Variants in TRHDE observed in about 807,000 individuals in gnomAD.
TRHDE encodes the protein thyrotropin-releasing hormone-degrading ectoenzyme.
A neutral mutation model predicts 125.7 loss-of-function variants in TRHDE; 72 were observed. That is an observed-to-expected ratio of 0.57 (90% CI 0.47 to 0.70). The LOEUF (loss-of-function observed/expected upper bound fraction) is 0.70, where lower values mean the gene tolerates loss of function less well. Among genes scored for constraint, TRHDE ranks in the 30% least tolerant of loss-of-function variants. The pLI, the probability that TRHDE is intolerant of heterozygous loss-of-function variation, is 0.00. For synonymous variants in TRHDE, 509 were observed against 509.1 expected, an observed-to-expected ratio of 1.00 and a Z score of 0.00; for missense variants, 1,110 against 1,327.1, an observed-to-expected ratio of 0.84 and a Z score of 2.54.
chr12:72,430,735 G>T (rs573939685), intron 3 of TRHDE, among the ~76,000 whole-genome samples: 14 of 151,780 alleles, frequency 9.2e-5, no homozygotes, highest in African/African-American at 3.4e-4. Flanking sequence ...GGCAACTTTG[G>T]ATCCCTCAAA....
Position 72,286,884 on chromosome 12 carries a change from C to A in TRHDE, c.1118C>A (p.Ser373Tyr). Residue 373 changes from serine to tyrosine, a missense_variant, in exon 2 of 19, where the codon TCC becomes TAC. Ser to Tyr is a moderately radical substitution (Grantham distance 144). Transcript: ENST00000261180. ...CACTTTTCACAGACCCCTCTCATGTCCACATATTATTTAGCCTGGGCAATT... is the reference window on the plus strand; with the variant it reads ...CACTTTTCACAGACCCCTCTCATGTACACATATTATTTAGCCTGGGCAATT... ...TDHFSQTPLM[S>Y]TYYLAWAICN... The A allele has an allele frequency of 6.2e-7, 1 of 1,613,866 alleles. No individual in the cohort carries two copies. Among genetic ancestry groups the A allele is most frequent in the Non-Finnish European group, 8.5e-7 (1 of 1,179,962 alleles).
At chr12:72,225,817 T>G (rs1165251286) in intron 2 of TRHDE, among the ~76,000 whole-genome samples, 2 of 152,182 alleles carry the variant, frequency 1.3e-5, no homozygotes, top group East Asian at 3.9e-4. Context: ...GCTAGGTGTT[T>G]GTATTTTTCC....
rs569733191 is a variant in TRHDE at position 72,464,684 on chromosome 12, G to A, written c.1316-5074G>A. On this transcript the variant is annotated intron_variant, in intron 3 of 18. Transcript: ENST00000261180. ...ATCTGAGAAGTGGAGGAAAAACATG[G>A]ATATTCTGTTATTATAGACACTAGC... is the stretch of plus-strand genomic sequence containing the variant. 1.6e-4 allele frequency among the ~76,000 whole-genome samples: 25 copies of A among 152,202 alleles called. No individual in the cohort carries two copies. In the South Asian group the frequency reaches 3.7e-3, roughly 23 times the overall value.
intron 3 of TRHDE, among the ~76,000 whole-genome samples, chr12:72,415,989 C>T (rs1873714362): frequency 6.6e-6 from 1 of 152,052 alleles, no homozygotes; most frequent in Non-Finnish European, 1.5e-5. Context: ...AATTAATTTA[C>T]TTTACCATAA....
chr12:72,109,272 A>G (rs898148796), intron 2 of TRHDE, among the ~76,000 whole-genome samples: 20 of 151,876 alleles, frequency 1.3e-4, no homozygotes, highest in Non-Finnish European at 2.9e-5. Context: ...TAAAGCTTAT[A>G]CTCTTAGCCT....
intron 3 of TRHDE, among the ~76,000 whole-genome samples, chr12:72,381,116 C>T (rs1261819951): frequency 6.6e-6 from 1 of 152,072 alleles, no homozygotes; most frequent in African/African-American, 2.4e-5. Flanking sequence ...GGTGAGTACA[C>T]TGTGTGCTGC....
Position 72,663,300 on chromosome 12 carries a change from G to A in TRHDE, c.*105G>A. The A allele has an allele frequency of 2.2e-6, 2 of 900,796 alleles. No individual in the cohort carries two copies. Among genetic ancestry groups the A allele is most frequent in the Non-Finnish European group, 1.5e-6 (1 of 653,478 alleles). 55.8% of individuals were successfully genotyped at this position (900,796 alleles called of 1,614,324 possible). On this transcript the variant is annotated 3_prime_UTR_variant, in exon 19 of 19. Transcript: ENST00000261180. The stretch of plus-strand genomic sequence containing the variant: ...TACCTAGAAAATGGCCAGATTTTCA[G>A]TGTTAACGTGTGGGAGGAATTTTTT...
intron 1 of TRHDE, among the ~76,000 whole-genome samples, chr12:72,282,978 A>G (rs1879750926): frequency 6.6e-6 from 1 of 152,192 alleles, no homozygotes; most frequent in South Asian, 2.1e-4. Context: ...TCCCCACAAC[A>G]AATAATTATC....
At chr12:72,122,466 G>A in intron 2 of TRHDE, among the ~76,000 whole-genome samples, 1 of 152,116 alleles carries the variant, frequency 6.6e-6, no homozygotes, top group Non-Finnish European at 1.5e-5. Context: ...ATTCTTTGCT[G>A]AAAAAAGTCC....
chr12:72,215,410 G>T (rs528320801), intron 2 of TRHDE, among the ~76,000 whole-genome samples: 155 of 152,268 alleles, frequency 1.0e-3, no homozygotes, highest in African/African-American at 3.4e-3. Context: ...TATATGTGCA[G>T]GTCACAGGGG....
Position 72,117,484 on chromosome 12 carries a change from G to A in TRHDE, n.279+11732G>A, listed in dbSNP as rs188862770. Among the ~76,000 whole-genome samples, 124 of 152,182 alleles carry A rather than the reference G, an allele frequency of 8.1e-4. No homozygotes were observed. In the East Asian group the frequency reaches 0.015, roughly 18 times the overall value. On this transcript the variant is annotated intron_variant and non_coding_transcript_variant, in intron 2 of 4. Transcript: ENST00000548156. ...ATGCTGTTTTGACTACTACAGTTCT[G>A]TAGCATAATTTGAAGTTGGATAATG...
upstream of TRHDE, among the ~76,000 whole-genome samples, chr12:72,269,981 A>G (rs1162555637): frequency 6.6e-6 from 1 of 152,186 alleles, no homozygotes; most frequent in African/African-American, 2.4e-5. Flanking sequence ...AGCCTCTGAT[A>G]ATCAAATGTA....
At chr12:72,556,346 T>C (rs1261927827) in intron 7 of TRHDE, among the ~76,000 whole-genome samples, 1 of 152,174 alleles carries the variant, frequency 6.6e-6, no homozygotes. Flanking sequence ...AGGTAGCCCA[T>C]TGAATCATTG....
chr12:72,196,773 T>C (rs1028229893), intron 2 of TRHDE, among the ~76,000 whole-genome samples: 10 of 152,100 alleles, frequency 6.6e-5, no homozygotes, highest in African/African-American at 1.9e-4. Flanking sequence ...GTTGTACCAG[T>C]CCAGATGCCC....
chr12:72,380,881 T>C (rs1465774650), intron 3 of TRHDE, among the ~76,000 whole-genome samples: 48 of 144,864 alleles, frequency 3.3e-4, no homozygotes, highest in African/African-American at 1.2e-3. Flanking sequence ...CTCTCTTCTT[T>C]CTTTCTTCCT....
At chr12:72,626,048 A>G (rs10879470) in intron 15 of TRHDE, among the ~76,000 whole-genome samples, 29,255 of 151,742 alleles carry the variant, frequency 0.19, 5,923 homozygotes, top group African/African-American at 0.52. Context: ...CCACCCTCTG[A>G]GTTTCTGATT....
intron 2 of TRHDE, among the ~76,000 whole-genome samples, chr12:72,154,989 T>C (rs1447641401): frequency 2.0e-5 from 3 of 152,240 alleles, no homozygotes; most frequent in Non-Finnish European, 4.4e-5. Context: ...TGAAGAGTGT[T>C]TTCTAACTTG....
At chr12:72,405,847 A>G (rs572282547) in intron 3 of TRHDE, among the ~76,000 whole-genome samples, 8 of 152,346 alleles carry the variant, frequency 5.3e-5, no homozygotes, top group Admixed American at 2.0e-4. Context: ...TGTAAATATC[A>G]AATAGATGGT....
intron 5 of TRHDE, among the ~76,000 whole-genome samples, chr12:72,495,694 A>C (rs12578451): frequency 6.6e-6 from 1 of 152,106 alleles, no homozygotes; most frequent in Non-Finnish European, 1.5e-5. Context: ...AATGCTGCAC[A>C]ATATCTGGCA....
Sources: allele counts gnomAD v4.1 joint callset (sites outside exome capture counted in the v4.1 genomes callset), GRCh38; gene constraint gnomAD v4.1.1; transcripts MANE v1.5; gene names NCBI Gene and HGNC (gene_info 2026-07-23, HGNC 2026-07-21).